The following TSPEAR variants were observed in gnomAD, a reference collection of about 807,000 sequenced individuals.
The protein encoded by TSPEAR is thrombospondin type laminin G domain and EAR repeats, also known as thrombospondin-type laminin G domain and EAR repeat-containing protein.
TSPEAR carries 69 observed loss-of-function variants against 71.6 expected under a neutral mutation model. The observed-to-expected ratio is 0.96, with a 90% CI of 0.79 to 1.18. The LOEUF (loss-of-function observed/expected upper bound fraction) is 1.18. Ranked by LOEUF, TSPEAR falls within the 50% of genes most tolerant of loss-of-function variation. TSPEAR has a pLI of 0.00. For synonymous variants in TSPEAR, 402 were observed against 387.2 expected (o/e 1.04, Z -0.45); for missense variants, 971 against 894.9 (o/e 1.09, Z -1.09).
At chr21:44,522,262 T>A (rs1300504254) in intron 8 of TSPEAR, 150 bp from the exon 9 acceptor site, 2 of 694,274 alleles carry the variant, frequency 2.9e-6, no homozygotes, top group Non-Finnish European at 5.1e-6. Context: ...CTTTCTTACC[T>A]TGAGCCTCCC....
At chr21:44,531,156 T>A in intron 3 of TSPEAR, 23 bp from the exon 4 acceptor site, 1 of 1,602,212 alleles carries the variant, frequency 6.2e-7, no homozygotes, top group East Asian at 2.2e-5. Flanking sequence ...AAGGACTGTG[T>A]TAGGGCCATA....
Position 44,612,296 on chromosome 21 carries a change from T to G in TSPEAR, c.83-44291A>C. ...CTCCAGCTGCTGTACCCCTAGCTGCTGTGCCCCAGCCCCCTGCCTGGCCCT... is the reference window on the plus strand; with the variant it reads ...CTCCAGCTGCTGTACCCCTAGCTGCGGTGCCCCAGCCCCCTGCCTGGCCCT... On this transcript the variant is annotated intron_variant, in intron 1 of 11. Coordinates refer to ENST00000323084, the MANE Select transcript of TSPEAR (RefSeq NM_144991.3). The surrounding 1 kb of genome is among the most constrained non-coding windows in gnomAD (Gnocchi z 4.1). 1.9e-6 allele frequency: 3 copies of G among 1,613,596 alleles called. No individual in the cohort carries two copies. The highest frequency in any genetic ancestry group is 2.5e-6 in the Non-Finnish European group (3 of 1,179,996).
At chr21:44,600,574 T>G (rs1980729036) in intron 1 of TSPEAR, 27 of 1,538,918 alleles carry the variant, frequency 1.8e-5, no homozygotes, top group Non-Finnish European at 2.3e-5. Context: ...ACTCACTCAT[T>G]CACTCACTCA....
intron 1 of TSPEAR, among the ~76,000 whole-genome samples, chr21:44,703,154 C>T (rs1008456013): frequency 1.3e-5 from 2 of 152,232 alleles, no homozygotes; most frequent in Admixed American, 6.5e-5. Context: ...CCTGCCTCTG[C>T]GTGCTCCTCT....
Position 44,635,384 on chromosome 21 carries a change from C to T in TSPEAR, c.83-67379G>A, listed in dbSNP as rs945049870. On this transcript the variant is annotated intron_variant, in intron 1 of 11. Transcript: ENST00000323084. ...AAAAAAAAGAATGTTTATAGAAGCACTATTCACACTAGCCAAAAGTTGAAA... is the reference window on the plus strand; with the variant it reads ...AAAAAAAAGAATGTTTATAGAAGCATTATTCACACTAGCCAAAAGTTGAAA... Among the ~76,000 whole-genome samples the T allele has an allele frequency of 6.1e-4, 91 of 148,622 alleles. 1 individual carries two copies. Among genetic ancestry groups the T allele is most frequent in the Non-Finnish European group, 1.1e-3 (76 of 67,284 alleles).
chr21:44,499,668 G>T lies in TSPEAR; in HGVS notation c.*115C>A. The T allele has an allele frequency of 8.6e-7, 1 of 1,166,572 alleles. No homozygotes were observed. The highest frequency in any genetic ancestry group is 1.2e-6 in the Non-Finnish European group (1 of 863,304). The allele number at this position is 1,166,572 out of a possible 1,614,324, so 72.3% of individuals were successfully genotyped here. ...TGGCCCCACCTGCACCCTGCCTGAT[G>T]CCCAGGCCCGGGATGCCCTAGGCTG... is the stretch of plus-strand genomic sequence containing the variant. On this transcript the variant is annotated 3_prime_UTR_variant, in exon 12 of 12. Coordinates refer to ENST00000323084, the MANE Select transcript of TSPEAR (RefSeq NM_144991.3).
intron 1 of TSPEAR, among the ~76,000 whole-genome samples, chr21:44,625,745 G>A (rs1982731005): frequency 6.6e-6 from 1 of 152,230 alleles, no homozygotes; most frequent in Non-Finnish European, 1.5e-5. Context: ...CCACCACTGT[G>A]GGGCTCACTG....
intron 5 of TSPEAR, 72 bp from the exon 6 acceptor site, chr21:44,528,655 C>T: frequency 6.4e-7 from 1 of 1,574,054 alleles, no homozygotes; most frequent in Non-Finnish European, 8.6e-7. Flanking sequence ...CAGGAAGAGG[C>T]CCCCAAACCA....
At chr21:44,557,208 A>G (rs1555919957) in intron 2 of TSPEAR, among the ~76,000 whole-genome samples, 9 of 152,194 alleles carry the variant, frequency 5.9e-5, no homozygotes, top group Non-Finnish European at 1.5e-5. Flanking sequence ...TTCCTCACAT[A>G]AGGCAAAAGA....
chr21:44,578,420 C>G (rs1978609372), intron 1 of TSPEAR, among the ~76,000 whole-genome samples: 1 of 152,162 alleles, frequency 6.6e-6, no homozygotes, highest in African/African-American at 2.4e-5. Context: ...AGAGACAATG[C>G]CAATCCCGAA....
chr21:44,637,914 C>T (rs782819512), intron 1 of TSPEAR: 1 of 1,612,096 alleles, frequency 6.2e-7, no homozygotes, highest in Non-Finnish European at 8.5e-7. Flanking sequence ...GGGGCTTCCA[C>T]TTCATGCTGC....
rs75351275 is a variant in TSPEAR at position 44,711,464 on chromosome 21, G to A, written c.51C>T (p.Gly17=). The A allele has an allele frequency of 1.3e-3, 2,107 of 1,611,134 alleles. 28 individuals carry two copies. The African/African-American group carries it at 0.024, about 19-fold the overall frequency. The change falls in exon 1 of 12, where the codon GGC becomes GGT. Residue 17 remains glycine (G), a synonymous_variant. Coordinates refer to ENST00000323084, the MANE Select transcript of TSPEAR (RefSeq NM_144991.3). This position sits in a 1 kb window ranked among gnomAD's most constrained non-coding sequence, Gnocchi z 4.5. The part of the protein sequence containing the change: ...LCFVLPLAAP[G]HGTQGWEPCT... ...AGGGCTCCCAACCCTGCGTGCCGTGGCCGGGGGCCGCCAGGGGCAGCACAA... is the reference window on the plus strand; with the variant it reads ...AGGGCTCCCAACCCTGCGTGCCGTGACCGGGGGCCGCCAGGGGCAGCACAA...
chr21:44,613,403 G>A (rs367768836), intron 1 of TSPEAR, among the ~76,000 whole-genome samples: 2 of 152,162 alleles, frequency 1.3e-5, no homozygotes, highest in Non-Finnish European at 2.9e-5. Flanking sequence ...CCCTGTGACC[G>A]GGTCTTCCTG....
At position 44,669,725 on chromosome 21, in the gene TSPEAR, G is replaced by A. The variant is rs587636754; in HGVS notation, c.82+41708C>T. Among the ~76,000 whole-genome samples, 5 of 152,280 alleles carry A rather than the reference G, an allele frequency of 3.3e-5. No individual in the cohort carries two copies. In the East Asian group the frequency reaches 7.7e-4, roughly 24 times the overall value. ...CTCCTCCTCGGCTTACGGATCACCCGCAGGAGGTGGCGTGCCTTGTTGGGA... is the reference window on the plus strand; with the variant it reads ...CTCCTCCTCGGCTTACGGATCACCCACAGGAGGTGGCGTGCCTTGTTGGGA... On this transcript the variant is annotated intron_variant, in intron 1 of 11. Transcript: ENST00000323084.
chr21:44,509,164 C>A, intron 10 of TSPEAR, 35 bp downstream of exon 10: 1 of 1,594,544 alleles, frequency 6.3e-7, no homozygotes, highest in Non-Finnish European at 8.6e-7. Context: ...TCCCAGAGAT[C>A]AGCCCACCTC....
chr21:44,657,339 T>C (rs920534367), intron 1 of TSPEAR, among the ~76,000 whole-genome samples: 6 of 152,260 alleles, frequency 3.9e-5, no homozygotes, highest in Non-Finnish European at 8.8e-5. Flanking sequence ...GATTACTCTA[T>C]GGCAGGGTTG....
At chr21:44,649,307 T>C (rs587701416) in intron 1 of TSPEAR, among the ~76,000 whole-genome samples, 1 of 152,296 alleles carries the variant, frequency 6.6e-6, no homozygotes, top group Non-Finnish European at 1.5e-5. Context: ...CAGCGGTCTG[T>C]GGAGGAGGCC....
At chr21:44,704,247 C>T (rs921390959) in intron 1 of TSPEAR, among the ~76,000 whole-genome samples, 1 of 127,692 alleles carries the variant, frequency 7.8e-6, no homozygotes, top group Non-Finnish European at 1.7e-5. Context: ...CCTGGGTACC[C>T]CACCCCCCCA....
intron 1 of TSPEAR, among the ~76,000 whole-genome samples, chr21:44,616,146 G>A (rs782757336): frequency 6.6e-6 from 1 of 152,318 alleles, no homozygotes; most frequent in South Asian, 2.1e-4. Flanking sequence ...CTGCACACAT[G>A]CTTAGGCTCT....
Sources: allele counts gnomAD v4.1 joint callset (sites outside exome capture counted in the v4.1 genomes callset), GRCh38; gene constraint gnomAD v4.1.1; non-coding constraint Gnocchi (gnomAD v3.1); transcripts MANE v1.5; gene names NCBI Gene and HGNC (gene_info 2026-07-23, HGNC 2026-07-21).